MAML2: variants seen among roughly 807,000 people sequenced by gnomAD.
The protein encoded by MAML2 is mastermind like transcriptional coactivator 2.
MAML2 carries 22 observed loss-of-function variants against 96.1 expected under a neutral mutation model. That is an observed-to-expected ratio of 0.23 (90% confidence interval 0.16 to 0.33). The LOEUF (loss-of-function observed/expected upper bound fraction) is 0.33. Ranked by LOEUF, MAML2 falls within the 10% of genes least tolerant of loss-of-function variation. MAML2 has a pLI of 1.00. For synonymous variants in MAML2, 561 were observed against 521.3 expected, an observed-to-expected ratio of 1.08 and a Z score of -1.04; for missense variants, 1,367 against 1,392.4, an observed-to-expected ratio of 0.98 and a Z score of 0.29.
At chr11:96,304,643 A>G (rs1205820639) in intron 1 of MAML2, among the ~76,000 whole-genome samples, 2 of 152,174 alleles carry the variant, frequency 1.3e-5, no homozygotes, top group Non-Finnish European at 2.9e-5. Context: ...AATGCTTCCT[A>G]TTAGTCCTAA....
chr11:96,302,104 AGGTATTTCTG>A (rs1346098043), intron 1 of MAML2, among the ~76,000 whole-genome samples: 1 of 152,152 alleles, frequency 6.6e-6, no homozygotes, highest in African/African-American at 2.4e-5. Flanking sequence ...TATTTCTATC[AGGTATTTCTG>A]TTCATTATTA....
At chr11:96,074,068 G>A (rs2298486) in intron 2 of MAML2, among the ~76,000 whole-genome samples, 2 of 152,240 alleles carry the variant, frequency 1.3e-5, no homozygotes, top group East Asian at 3.9e-4. Flanking sequence ...GATGGTAATA[G>A]TAGGCAGTAG....
chr11:95,984,168 T>C (rs997560775), intron 4 of MAML2, among the ~76,000 whole-genome samples: 2 of 152,234 alleles, frequency 1.3e-5, no homozygotes, highest in African/African-American at 4.8e-5. Flanking sequence ...GTCATCACAC[T>C]AACATGCTGT....
chr11:96,079,604 T>C (rs777043285), intron 2 of MAML2, among the ~76,000 whole-genome samples: 2 of 152,238 alleles, frequency 1.3e-5, no homozygotes, highest in Non-Finnish European at 2.9e-5. Context: ...GCACTTGGCA[T>C]ATAGTAGGTG....
At chr11:95,998,189 C>T (rs376917347) in intron 2 of MAML2, among the ~76,000 whole-genome samples, 1 of 61,196 alleles carries the variant, frequency 1.6e-5, no homozygotes, top group Non-Finnish European at 4.1e-5. Flanking sequence ...TCTATCTATC[C>T]ACCCCATCCA....
intron 1 of MAML2, among the ~76,000 whole-genome samples, chr11:96,278,712 C>T (rs1048089831): frequency 2.0e-5 from 3 of 152,308 alleles, no homozygotes; most frequent in Admixed American, 2.0e-4. Context: ...ATCAAATACA[C>T]TTTACCTTTC....
intron 1 of MAML2, among the ~76,000 whole-genome samples, chr11:96,297,414 A>C (rs1863318183): frequency 6.6e-6 from 1 of 151,974 alleles, no homozygotes; most frequent in Non-Finnish European, 1.5e-5. Context: ...GTCTCTACTA[A>C]AAATACAAAA....
chr11:96,206,918 T>TA (rs1861903850), intron 1 of MAML2, among the ~76,000 whole-genome samples: 1 of 152,032 alleles, frequency 6.6e-6, no homozygotes, highest in South Asian at 2.1e-4. Flanking sequence ...GTTTGGTAAA[T>TA]AAAAAACAAA....
intron 2 of MAML2, among the ~76,000 whole-genome samples, chr11:96,034,118 T>C (rs1162343612): frequency 1.3e-5 from 2 of 152,200 alleles, no homozygotes; most frequent in Non-Finnish European, 2.9e-5. Context: ...AGTGGAAGCA[T>C]TGAATCTACT....
chr11:96,123,550 C>T (rs1860386385), intron 1 of MAML2, among the ~76,000 whole-genome samples: 2 of 152,198 alleles, frequency 1.3e-5, no homozygotes, highest in African/African-American at 4.8e-5. Flanking sequence ...GTGCTTCCGT[C>T]CTGTACAGAG....
At chr11:96,034,454 AGAGT>A (rs1209525669) in intron 2 of MAML2, among the ~76,000 whole-genome samples, 1 of 127,986 alleles carries the variant, frequency 7.8e-6, no homozygotes, top group African/African-American at 3.6e-5. Flanking sequence ...AGAGAGAGAG[AGAGT>A]GTGTGTGTGT....
chr11:96,333,332 G>A (rs1225457709), intron 1 of MAML2, among the ~76,000 whole-genome samples: 1 of 151,316 alleles, frequency 6.6e-6, no homozygotes, highest in Non-Finnish European at 1.5e-5. Flanking sequence ...GGAATCTAAG[G>A]TTAAATCATG....
intron 1 of MAML2, among the ~76,000 whole-genome samples, chr11:96,262,066 T>A (rs1169391620): frequency 6.6e-6 from 1 of 152,232 alleles, no homozygotes; most frequent in Non-Finnish European, 1.5e-5. Flanking sequence ...CCAACCAACA[T>A]CTACTGAACT....
intron 4 of MAML2, among the ~76,000 whole-genome samples, chr11:95,984,854 C>A (rs1418264261): frequency 2.0e-5 from 3 of 152,086 alleles, no homozygotes; most frequent in African/African-American, 7.2e-5. Flanking sequence ...CAGTTTTGGG[C>A]AGAAGCGTAT....
intron 2 of MAML2, among the ~76,000 whole-genome samples, chr11:96,074,944 T>C (rs1859411091): frequency 6.6e-6 from 1 of 152,176 alleles, no homozygotes; most frequent in Non-Finnish European, 1.5e-5. Context: ...CTTTTGATTT[T>C]TCCTCTGGAA....
At chr11:96,149,648 C>T (rs1278977961) in intron 1 of MAML2, among the ~76,000 whole-genome samples, 1 of 151,556 alleles carries the variant, frequency 6.6e-6, no homozygotes. Flanking sequence ...AGGAGAATTG[C>T]TTTTGAACCC....
chr11:96,339,259 A>G (rs1176702725), intron 1 of MAML2, among the ~76,000 whole-genome samples: 1 of 152,182 alleles, frequency 6.6e-6, no homozygotes, highest in Non-Finnish European at 1.5e-5. Context: ...GCAGCCAGCT[A>G]TGGCTTCTGC....
chr11:96,242,659 GAAAA>G (rs138615068), intron 1 of MAML2, among the ~76,000 whole-genome samples: 6 of 150,764 alleles, frequency 4.0e-5, no homozygotes, highest in African/African-American at 1.5e-4. Flanking sequence ...AGCTTAAAGA[GAAAA>G]AAAAAGTGTG....
chr11:96,055,424 CA>C (rs1859048582), intron 2 of MAML2, among the ~76,000 whole-genome samples: 1 of 151,824 alleles, frequency 6.6e-6, no homozygotes, highest in Non-Finnish European at 1.5e-5. Flanking sequence ...AGGAAAGAGG[CA>C]GGGGGGAAAA....
Sources: allele counts gnomAD v4.1 joint callset (sites outside exome capture counted in the v4.1 genomes callset), GRCh38; gene constraint gnomAD v4.1.1; transcripts MANE v1.5; gene names NCBI Gene and HGNC (gene_info 2026-07-23, HGNC 2026-07-21).